NFATC3: variants seen among roughly 807,000 people sequenced by gnomAD.
NFATC3 encodes nuclear factor of activated T-cells, cytoplasmic 3.
A neutral mutation model predicts 98.6 loss-of-function variants in NFATC3; 46 were observed. That is an observed-to-expected ratio of 0.47 (90% CI 0.37 to 0.60). The LOEUF (loss-of-function observed/expected upper bound fraction) is 0.60. Ranked by LOEUF, NFATC3 falls within the 20% of genes least tolerant of loss-of-function variation. NFATC3 has a pLI of 0.00. For synonymous variants in NFATC3, 512 were observed against 472.2 expected, an observed-to-expected ratio of 1.08 and a Z score of -1.09; for missense variants, 1,256 against 1,295.5, an observed-to-expected ratio of 0.97 and a Z score of 0.47.
chr16:68,162,363 A>G (rs1003041618), intron 4 of NFATC3, among the ~76,000 whole-genome samples: 2 of 152,218 alleles, frequency 1.3e-5, no homozygotes, highest in African/African-American at 4.8e-5. Context: ...TAACTATATT[A>G]TTCAGTACAG....
At chr16:68,196,984 T>G (rs899674889) in intron 9 of NFATC3, among the ~76,000 whole-genome samples, 1 of 152,200 alleles carries the variant, frequency 6.6e-6, no homozygotes, top group Admixed American at 6.5e-5. Flanking sequence ...GAGCCGAGAT[T>G]GCGCCATTGC....
At chr16:68,176,903 C>T (rs2039734456) in intron 6 of NFATC3, among the ~76,000 whole-genome samples, 1 of 152,028 alleles carries the variant, frequency 6.6e-6, no homozygotes, top group South Asian at 2.1e-4. Flanking sequence ...ACCTTCTGGA[C>T]AGGGGACTGT....
At chr16:68,210,205 G>A (rs2041320391) in intron 9 of NFATC3, among the ~76,000 whole-genome samples, 1 of 151,638 alleles carries the variant, frequency 6.6e-6, no homozygotes. Context: ...GGCTGAGGCA[G>A]GAGAATGGCG....
chr16:68,203,030 G>A (rs903279213), intron 9 of NFATC3, among the ~76,000 whole-genome samples: 21 of 152,006 alleles, frequency 1.4e-4, no homozygotes, highest in East Asian at 1.9e-4. Flanking sequence ...AGCCTCAAAC[G>A]TGTTTAGGAT....
chr16:68,130,564 G>T (rs948189644), intron 3 of NFATC3, among the ~76,000 whole-genome samples: 2 of 152,044 alleles, frequency 1.3e-5, no homozygotes, highest in Non-Finnish European at 2.9e-5. Context: ...TCCTTTGTTG[G>T]ATGAATAGTT....
intron 3 of NFATC3, among the ~76,000 whole-genome samples, chr16:68,126,858 G>A (rs1443220007): frequency 6.6e-6 from 1 of 152,104 alleles, no homozygotes; most frequent in African/African-American, 2.4e-5. Flanking sequence ...TGGCCAAATA[G>A]CCGTTTTTCT....
Position 68,113,952 on chromosome 16 carries a change from C to T in NFATC3, c.104-8035C>T, listed in dbSNP as rs566425340. The stretch of plus-strand genomic sequence containing the variant: ...GCAAAGGAAAATGGCAGACTGGAGC[C>T]GCAGTGATGGCGACTGCCCCTTTCC... On this transcript the variant is annotated intron_variant, in intron 1 of 9. Transcript: ENST00000346183. 6.6e-5 allele frequency among the ~76,000 whole-genome samples: 10 copies of T among 152,242 alleles called. No homozygotes were observed. The East Asian group carries it at 7.7e-4, about 12-fold the overall frequency.
intron 8 of NFATC3, chr16:68,189,542 A>T (rs1275905952): frequency 6.5e-6 from 1 of 152,788 alleles, no homozygotes; most frequent in Admixed American, 6.5e-5. Flanking sequence ...TTGAATCTGA[A>T]GATCACTTTA....
Position 68,112,206 on chromosome 16 carries a change from A to G in NFATC3, c.104-9781A>G, listed in dbSNP as rs1251913972. 2.9e-5 allele frequency among the ~76,000 whole-genome samples: 4 copies of G among 136,082 alleles called. No individual in the cohort carries two copies. In the Admixed American group the frequency reaches 3.1e-4, roughly 10 times the overall value. 89.3% of individuals were successfully genotyped at this position (136,082 alleles called of 152,430 possible). ...GTTCTCATGGATGATACCGTGAAGT[A>G]TGTTTTCCGACTTGGATGCGATCTC... On this transcript the variant is annotated intron_variant, in intron 1 of 9. Coordinates refer to ENST00000346183, the MANE Select transcript of NFATC3 (RefSeq NM_173165.3).
chr16:68,087,563 C>CA (rs1325469826), intron 1 of NFATC3, among the ~76,000 whole-genome samples: 4 of 151,594 alleles, frequency 2.6e-5, no homozygotes, highest in Non-Finnish European at 5.9e-5. Context: ...AATATTAAGG[C>CA]AAAATACATA....
intron 9 of NFATC3, chr16:68,192,228 AAAATATATATAT>A (rs2040449036): frequency 2.8e-5 from 2 of 72,524 alleles, no homozygotes; most frequent in Non-Finnish European, 4.8e-5. Flanking sequence ...AAAAAAAAAA[AAAATATATATAT>A]ATATATATAT....
At chr16:68,225,766 TGTTA>T (rs2042017839) in intron 9 of NFATC3, 1 of 152,234 alleles carries the variant, frequency 6.6e-6, no homozygotes, top group African/African-American at 2.4e-5. Flanking sequence ...TTCCCTTCTA[TGTTA>T]GTTCTGTAAG....
chr16:68,222,360 A>T (rs1162474419), intron 9 of NFATC3, among the ~76,000 whole-genome samples: 2 of 149,334 alleles, frequency 1.3e-5, no homozygotes, highest in African/African-American at 4.9e-5. Context: ...AAAACACGTC[A>T]TGTGGTTTTT....
Position 68,122,970 on chromosome 16 carries a change from G to T in NFATC3, c.1087G>T (p.Gly363Trp). 1 of 1,614,142 alleles carries T rather than the reference G, an allele frequency of 6.2e-7. No homozygotes were observed. Among genetic ancestry groups the T allele is most frequent in the Non-Finnish European group, 8.5e-7 (1 of 1,180,024 alleles). The change falls in exon 2 of 10, where the codon GGG becomes TGG. Residue 363 changes from glycine (G) to tryptophan (W), a missense_variant. Gly to Trp is a radical substitution (Grantham distance 184). Coordinates refer to ENST00000346183, the MANE Select transcript of NFATC3 (RefSeq NM_173165.3). ...ATTAGAGCTGTGTTCAGATGACCAA[G>T]GGAGTTTATCACCAGCCCGGGAGAC... ...GKLELCSDDQ[G>W]SLSPARETSI...
intron 1 of NFATC3, among the ~76,000 whole-genome samples, chr16:68,103,054 G>GT (rs2035457478): frequency 6.6e-6 from 1 of 151,598 alleles, no homozygotes; most frequent in Admixed American, 6.6e-5. Context: ...TAATTCAGCT[G>GT]TTTGACTTTT....
chr16:68,147,531 A>G (rs771741862), intron 3 of NFATC3, among the ~76,000 whole-genome samples: 1 of 152,198 alleles, frequency 6.6e-6, no homozygotes, highest in Non-Finnish European at 1.5e-5. Context: ...CTCTGGAGAT[A>G]ACAAGATGGA....
intron 5 of NFATC3, among the ~76,000 whole-genome samples, chr16:68,173,309 G>A (rs974082557): frequency 5.3e-5 from 8 of 152,094 alleles, no homozygotes; most frequent in African/African-American, 1.9e-4. Flanking sequence ...GCTCACACCT[G>A]TAATCCCAGC....
chr16:68,214,566 G>A (rs1452104192), intron 9 of NFATC3: 3 of 667,790 alleles, frequency 4.5e-6, no homozygotes, highest in African/African-American at 1.8e-5. Context: ...ATTATCTTTG[G>A]AACTACACTT....
chr16:68,188,308 G>T (rs1446362280), intron 8 of NFATC3, among the ~76,000 whole-genome samples: 2 of 152,152 alleles, frequency 1.3e-5, no homozygotes, highest in Non-Finnish European at 2.9e-5. Flanking sequence ...GCTGCACCCA[G>T]GATGGTGGGG....
Sources: allele counts gnomAD v4.1 joint callset (sites outside exome capture counted in the v4.1 genomes callset), GRCh38; gene constraint gnomAD v4.1.1; transcripts MANE v1.5; gene names NCBI Gene and HGNC (gene_info 2026-07-23, HGNC 2026-07-21).